SCHIP1: variants seen among roughly 807,000 people sequenced by gnomAD.
SCHIP1 encodes the protein schwannomin interacting protein 1, also known as schwannomin-interacting protein 1.
SCHIP1 carries 8 observed loss-of-function variants against 29.7 expected under a neutral mutation model. That is an observed-to-expected ratio of 0.27 (90% CI 0.16 to 0.49). SCHIP1 has a LOEUF of 0.49. SCHIP1 is among the 20% of genes least tolerant of loss of function. The pLI, the probability that SCHIP1 is intolerant of heterozygous loss-of-function variation, is 0.99. For missense variants in SCHIP1, 193 were observed against 294.6 expected (o/e 0.66, Z 2.52); for synonymous variants, 76 against 94.9 (o/e 0.80, Z 1.16).
At chr3:159,350,900 A>G in the SCHIP1 span, among the ~76,000 whole-genome samples, 40 of 152,292 alleles carry the variant, frequency 2.6e-4, no homozygotes, top group African/African-American at 8.7e-4. Flanking sequence ...TTGGGAAAAA[A>G]TTGATGAATA....
the SCHIP1 span, among the ~76,000 whole-genome samples, chr3:159,725,549 G>T: frequency 6.6e-6 from 1 of 152,158 alleles, no homozygotes; most frequent in African/African-American, 2.4e-5. Context: ...ACAGGCGTGA[G>T]CCACCACGCC....
chr3:159,694,588 GAAAGA>G, the SCHIP1 span, among the ~76,000 whole-genome samples: 1 of 145,120 alleles, frequency 6.9e-6, no homozygotes, highest in Admixed American at 6.8e-5. Context: ...AAGAAAGAAA[GAAAGA>G]AAGAAAGAAA....
At chr3:159,446,756 A>G in the SCHIP1 span, among the ~76,000 whole-genome samples, 8 of 152,174 alleles carry the variant, frequency 5.3e-5, no homozygotes, top group South Asian at 2.1e-4. Flanking sequence ...CCTGCCCCAA[A>G]CCAATTTTAA....
At chr3:159,627,127 C>T in the SCHIP1 span, among the ~76,000 whole-genome samples, 1 of 152,202 alleles carries the variant, frequency 6.6e-6, no homozygotes, top group East Asian at 1.9e-4. Flanking sequence ...AGAACATGCA[C>T]TGTTTGGTTT....
chr3:159,337,484 C>G, the SCHIP1 span, among the ~76,000 whole-genome samples: 1 of 152,164 alleles, frequency 6.6e-6, no homozygotes, highest in African/African-American at 2.4e-5. Context: ...AGCTGATAGG[C>G]AACTTCAGCA....
At chr3:159,527,477 A>G in the SCHIP1 span, among the ~76,000 whole-genome samples, 1 of 152,226 alleles carries the variant, frequency 6.6e-6, no homozygotes, top group Non-Finnish European at 1.5e-5. Flanking sequence ...ACAATTGACT[A>G]AACAACAAAA....
the SCHIP1 span, among the ~76,000 whole-genome samples, chr3:159,693,268 A>G: frequency 8.5e-4 from 130 of 152,312 alleles, no homozygotes; most frequent in African/African-American, 3.1e-3. Context: ...AGTTTCATTG[A>G]TGCAGAAACT....
At chr3:159,589,140 C>T in the SCHIP1 span, among the ~76,000 whole-genome samples, 39 of 152,232 alleles carry the variant, frequency 2.6e-4, no homozygotes, top group African/African-American at 8.7e-4. Context: ...TTTTATTTCG[C>T]TGAGCAGTGG....
At chr3:159,456,961 ATT>A in the SCHIP1 span, among the ~76,000 whole-genome samples, 4 of 152,350 alleles carry the variant, frequency 2.6e-5, no homozygotes, top group Middle Eastern at 3.4e-3. Context: ...CATGGTGTGT[ATT>A]TATCAAATTA....
At chr3:159,843,260 G>T (rs973875453) in intron 1 of SCHIP1, among the ~76,000 whole-genome samples, 1 of 151,564 alleles carries the variant, frequency 6.6e-6, no homozygotes, top group East Asian at 1.9e-4. Flanking sequence ...TGATCTGCCC[G>T]CCTTGGCCTC....
the SCHIP1 span, among the ~76,000 whole-genome samples, chr3:159,471,588 T>A: frequency 6.6e-6 from 1 of 151,874 alleles, no homozygotes; most frequent in Non-Finnish European, 1.5e-5. Flanking sequence ...TACATTACCA[T>A]ACAAATAAAA....
the SCHIP1 span, among the ~76,000 whole-genome samples, chr3:159,497,416 T>C: frequency 6.6e-6 from 1 of 151,906 alleles, no homozygotes; most frequent in African/African-American, 2.4e-5. Context: ...GCCTAAGATG[T>C]GTCTATGCCA....
the SCHIP1 span, among the ~76,000 whole-genome samples, chr3:159,733,695 C>T: frequency 4.0e-3 from 615 of 152,294 alleles, 4 homozygotes; most frequent in Non-Finnish European, 5.9e-3. Flanking sequence ...TTATTATTAA[C>T]TAACAAGTGC....
chr3:159,811,848 T>C, the SCHIP1 span, among the ~76,000 whole-genome samples: 2 of 152,244 alleles, frequency 1.3e-5, no homozygotes, highest in South Asian at 2.1e-4. Context: ...ATAGGAATTA[T>C]GTTGAATCTA....
At chr3:159,392,985 AC>A in the SCHIP1 span, among the ~76,000 whole-genome samples, 1 of 152,220 alleles carries the variant, frequency 6.6e-6, no homozygotes, top group African/African-American at 2.4e-5. Context: ...TTGTTTCCTG[AC>A]TTTTTAATGA....
chr3:159,346,907 A>G, the SCHIP1 span, among the ~76,000 whole-genome samples: 49 of 152,350 alleles, frequency 3.2e-4, no homozygotes, highest in African/African-American at 1.1e-3. Flanking sequence ...ATGCAAGATG[A>G]CATTTGAGTG....
At chr3:159,317,933 C>A in the SCHIP1 span, among the ~76,000 whole-genome samples, 4 of 152,136 alleles carry the variant, frequency 2.6e-5, no homozygotes, top group African/African-American at 9.7e-5. Flanking sequence ...AGCCTGCCAC[C>A]AGGTAGCTGG....
the SCHIP1 span, among the ~76,000 whole-genome samples, chr3:159,767,429 C>T: frequency 9.9e-5 from 15 of 151,922 alleles, no homozygotes; most frequent in Admixed American, 5.9e-4. Context: ...GCCTGGAGTA[C>T]GTAAGGGAAT....
the SCHIP1 span, among the ~76,000 whole-genome samples, chr3:159,640,135 G>C: frequency 3.9e-5 from 6 of 152,082 alleles, no homozygotes; most frequent in Admixed American, 2.0e-4. Flanking sequence ...ATGATGTTCT[G>C]AGGGCCTGTT....
Sources: allele counts gnomAD v4.1 joint callset (sites outside exome capture counted in the v4.1 genomes callset), GRCh38; gene constraint gnomAD v4.1.1; transcripts MANE v1.5; gene names NCBI Gene and HGNC (gene_info 2026-07-23, HGNC 2026-07-21).